The following ARHGAP15 variants were observed in gnomAD, a reference collection of about 807,000 sequenced individuals.
ARHGAP15 encodes Rho GTPase activating protein 15.
In ARHGAP15, 51 loss-of-function variants were observed where a neutral mutation model predicts 63.7. That is an observed-to-expected ratio of 0.80 (90% confidence interval 0.64 to 1.01). ARHGAP15 has a LOEUF of 1.01. Among genes scored for constraint, ARHGAP15 ranks in the 50% least tolerant of loss-of-function variants. The pLI, the probability that ARHGAP15 is intolerant of heterozygous loss-of-function variation, is 0.00. For synonymous variants in ARHGAP15, 191 were observed against 193.8 expected (o/e 0.99, Z 0.12); for missense variants, 560 against 564.6 (o/e 0.99, Z 0.08).
chr2:143,642,007 C>T (rs1233224789), intron 12 of ARHGAP15, among the ~76,000 whole-genome samples: 2 of 151,910 alleles, frequency 1.3e-5, no homozygotes, highest in East Asian at 3.9e-4. Context: ...AAATACTAAG[C>T]AATTGGTAAA....
chr2:143,365,797 A>G (rs1214824931), intron 6 of ARHGAP15, among the ~76,000 whole-genome samples: 1 of 152,228 alleles, frequency 6.6e-6, no homozygotes, highest in African/African-American at 2.4e-5. Context: ...CTGTGAAGTT[A>G]CAACCACAAC....
chr2:143,654,180 C>A (rs781417251), intron 12 of ARHGAP15, among the ~76,000 whole-genome samples: 4 of 152,096 alleles, frequency 2.6e-5, no homozygotes, highest in African/African-American at 4.8e-5. Context: ...GAGAAAAATA[C>A]AGAACAGATT....
chr2:143,492,919 G>A (rs559512702), intron 9 of ARHGAP15, among the ~76,000 whole-genome samples: 3 of 152,054 alleles, frequency 2.0e-5, no homozygotes, highest in South Asian at 2.1e-4. Context: ...TTAGCCAGCC[G>A]TGGTGGCGGG....
At chr2:143,459,050 T>C (rs1414523318) in intron 8 of ARHGAP15, among the ~76,000 whole-genome samples, 1 of 152,124 alleles carries the variant, frequency 6.6e-6, no homozygotes, top group African/African-American at 2.4e-5. Flanking sequence ...GGAGGCATAG[T>C]TGTAAATTTT....
At chr2:143,306,513 G>T (rs193092335) in intron 6 of ARHGAP15, among the ~76,000 whole-genome samples, 1 of 152,240 alleles carries the variant, frequency 6.6e-6, no homozygotes, top group Admixed American at 6.5e-5. Flanking sequence ...AGGTGCTTAT[G>T]GAGATCAAAA....
intron 6 of ARHGAP15, among the ~76,000 whole-genome samples, chr2:143,356,422 A>G (rs180843966): frequency 5.9e-5 from 9 of 152,224 alleles, no homozygotes; most frequent in Admixed American, 5.9e-4. Context: ...TTCCCCCACC[A>G]TGATCTTTTA....
At chr2:143,734,078 G>C (rs1368818007) in intron 13 of ARHGAP15, among the ~76,000 whole-genome samples, 1 of 152,160 alleles carries the variant, frequency 6.6e-6, no homozygotes, top group Admixed American at 6.6e-5. Context: ...ATCCAGTCTA[G>C]TCTAGCAGGT....
At chr2:143,132,645 G>C (rs1327322412) in intron 1 of ARHGAP15, among the ~76,000 whole-genome samples, 1 of 152,212 alleles carries the variant, frequency 6.6e-6, no homozygotes, top group Non-Finnish European at 1.5e-5. Flanking sequence ...TGCACTGGGG[G>C]CAGCTACAGC....
chr2:143,414,196 A>T (rs1211703064), intron 6 of ARHGAP15, among the ~76,000 whole-genome samples: 1 of 151,592 alleles, frequency 6.6e-6, no homozygotes, highest in Non-Finnish European at 1.5e-5. Flanking sequence ...GTACTAAAAA[A>T]TTTAATAAAG....
At chr2:143,440,331 G>A (rs1284150285) in intron 8 of ARHGAP15, among the ~76,000 whole-genome samples, 1 of 152,092 alleles carries the variant, frequency 6.6e-6, no homozygotes, top group African/African-American at 2.4e-5. Context: ...CTTAAAACTT[G>A]CATTCGCTTT....
At chr2:143,253,649 A>G (rs1170724677) in intron 6 of ARHGAP15, among the ~76,000 whole-genome samples, 1 of 151,616 alleles carries the variant, frequency 6.6e-6, no homozygotes, top group East Asian at 1.9e-4. Context: ...ACTTCTTAAC[A>G]ATAAATAATA....
chr2:143,385,798 A>G (rs1687264451), intron 6 of ARHGAP15, among the ~76,000 whole-genome samples: 1 of 152,152 alleles, frequency 6.6e-6, no homozygotes, highest in Non-Finnish European at 1.5e-5. Flanking sequence ...TCTTTAGAAA[A>G]TGTAGATGTC....
intron 5 of ARHGAP15, among the ~76,000 whole-genome samples, chr2:143,229,417 G>A (rs1226083625): frequency 1.3e-5 from 2 of 152,148 alleles, no homozygotes; most frequent in African/African-American, 4.8e-5. Context: ...CTGGAGGAGG[G>A]CCTCACATAT....
chr2:143,688,894 G>A (rs967341344), intron 12 of ARHGAP15, among the ~76,000 whole-genome samples: 4 of 152,186 alleles, frequency 2.6e-5, no homozygotes, highest in African/African-American at 9.6e-5. Flanking sequence ...CCATTTGAAA[G>A]TTTTGCCAGA....
chr2:143,201,725 C>T (rs934476842), intron 2 of ARHGAP15, among the ~76,000 whole-genome samples: 6 of 152,026 alleles, frequency 3.9e-5, no homozygotes, highest in African/African-American at 1.4e-4. Context: ...GGGTTTCCTC[C>T]AACATATTTT....
intron 12 of ARHGAP15, among the ~76,000 whole-genome samples, chr2:143,636,936 G>A (rs1370663031): frequency 6.6e-6 from 1 of 152,064 alleles, no homozygotes; most frequent in Non-Finnish European, 1.5e-5. Flanking sequence ...TCCTGGTGAG[G>A]GCCCTTACCC....
intron 6 of ARHGAP15, among the ~76,000 whole-genome samples, chr2:143,264,230 AGAAGCT>A (rs1680883209): frequency 6.6e-6 from 1 of 151,978 alleles, no homozygotes; most frequent in Non-Finnish European, 1.5e-5. Context: ...GGTCATCATG[AGAAGCT>A]GAAGCCATAG....
intron 6 of ARHGAP15, among the ~76,000 whole-genome samples, chr2:143,414,500 A>AT (rs1458424768): frequency 3.3e-5 from 5 of 152,176 alleles, no homozygotes; most frequent in African/African-American, 9.6e-5. Context: ...AGAAATTGAA[A>AT]TTTTCTCAAT....
chr2:143,144,949 G>T (rs554480842), intron 1 of ARHGAP15, among the ~76,000 whole-genome samples: 2 of 152,036 alleles, frequency 1.3e-5, no homozygotes, highest in African/African-American at 4.8e-5. Context: ...TTACAAAAGG[G>T]TGCAGCTGAA....
Sources: allele counts gnomAD v4.1 joint callset (sites outside exome capture counted in the v4.1 genomes callset), GRCh38; gene constraint gnomAD v4.1.1; transcripts MANE v1.5; gene names NCBI Gene and HGNC (gene_info 2026-07-23, HGNC 2026-07-21).